ADAMTS20: variants seen among roughly 807,000 people sequenced by gnomAD.
The protein encoded by ADAMTS20 is A disintegrin and metalloproteinase with thrombospondin motifs 20.
In ADAMTS20, 225 loss-of-function variants were observed where a neutral mutation model predicts 260.1. That is an observed-to-expected ratio of 0.87 (90% CI 0.78 to 0.97). The LOEUF is 0.97. Among genes scored for constraint, ADAMTS20 ranks in the 50% least tolerant of loss-of-function variants. The pLI is 0.00. For synonymous variants in ADAMTS20, 802 were observed against 769.5 expected (o/e 1.04, Z -0.70); for missense variants, 2,400 against 2,337.7 (o/e 1.03, Z -0.55).
chr12:43,425,906 A>G lies in ADAMTS20; in HGVS notation c.4108-216T>C, dbSNP rs575578591. On this transcript the variant is annotated intron_variant, in intron 27 of 38. Coordinates refer to ENST00000389420, the MANE Select transcript of ADAMTS20 (RefSeq NM_025003.5). Reference sequence around the variant, plus strand: ...CCCCCTAGACAAAAAAATAAATCAAAGTTTCAATTCCACGACTTTAAAAAT... The same window carrying G: ...CCCCCTAGACAAAAAAATAAATCAAGGTTTCAATTCCACGACTTTAAAAAT... Among the ~76,000 whole-genome samples the G allele has an allele frequency of 6.6e-5, 10 of 152,236 alleles. No individual in the cohort carries two copies. In the East Asian group the frequency reaches 1.7e-3, roughly 26 times the overall value.
At chr12:43,519,749 A>C (rs1418586101) in intron 3 of ADAMTS20, among the ~76,000 whole-genome samples, 2 of 152,190 alleles carry the variant, frequency 1.3e-5, no homozygotes, top group South Asian at 2.1e-4. Flanking sequence ...TGAATGCTAC[A>C]CATTGATTCC....
intron 37 of ADAMTS20, among the ~76,000 whole-genome samples, chr12:43,358,591 C>A (rs1939796091): frequency 6.6e-6 from 1 of 151,858 alleles, no homozygotes; most frequent in Non-Finnish European, 1.5e-5. Flanking sequence ...GTAATCCCAG[C>A]ACTTTGGGAG....
chr12:43,523,203 A>T, intron 3 of ADAMTS20, among the ~76,000 whole-genome samples: 1 of 152,208 alleles, frequency 6.6e-6, no homozygotes, highest in South Asian at 2.1e-4. Flanking sequence ...TCACAGGGCA[A>T]GGCCTTAACC....
chr12:43,471,325 G>C (rs566974970), intron 7 of ADAMTS20, among the ~76,000 whole-genome samples: 1 of 150,626 alleles, frequency 6.6e-6, no homozygotes, highest in Admixed American at 6.6e-5. Flanking sequence ...CACCTGGCTC[G>C]GAGGGTCCTA....
intron 16 of ADAMTS20, among the ~76,000 whole-genome samples, chr12:43,442,279 C>CA (rs1240468705): frequency 7.0e-6 from 1 of 143,850 alleles, no homozygotes; most frequent in Non-Finnish European, 1.5e-5. Flanking sequence ...TTTTTTGAGA[C>CA]AGAGTTTTGC....
intron 29 of ADAMTS20, among the ~76,000 whole-genome samples, chr12:43,390,741 TTC>T (rs1240767011): frequency 1.3e-5 from 2 of 152,222 alleles, no homozygotes; most frequent in African/African-American, 4.8e-5. Flanking sequence ...TCTAAGAACA[TTC>T]TGTTTGCAAC....
chr12:43,549,872 G>A (rs191607377), intron 2 of ADAMTS20, among the ~76,000 whole-genome samples: 33 of 152,288 alleles, frequency 2.2e-4, no homozygotes, highest in African/African-American at 7.2e-4. Flanking sequence ...TTGAACTGCA[G>A]AGAAATGTTA....
chr12:43,395,193 G>A (rs952855693), intron 29 of ADAMTS20, among the ~76,000 whole-genome samples: 1 of 152,086 alleles, frequency 6.6e-6, no homozygotes, highest in Admixed American at 6.6e-5. Context: ...GGAAGCAGGA[G>A]GGCATCCTCC....
chr12:43,521,306 A>G (rs1449507065), intron 3 of ADAMTS20, among the ~76,000 whole-genome samples: 1 of 152,246 alleles, frequency 6.6e-6, no homozygotes, highest in African/African-American at 2.4e-5. Context: ...GACTTCCTCC[A>G]GACCAATGCT....
rs372581152 is a variant in ADAMTS20 at position 43,452,663 on chromosome 12, C to T, written c.1793G>A (p.Arg598His). 21 of 1,610,088 alleles carry T rather than the reference C, an allele frequency of 1.3e-5. No individual in the cohort carries two copies. The highest frequency in any genetic ancestry group is 6.7e-5 in the African/African-American group (5 of 74,884). Residue 598 changes from arginine to histidine, a missense_variant, in exon 13 of 39, where the codon CGC becomes CAC. Arg to His is a conservative substitution (Grantham distance 29, BLOSUM62 0). Transcript: ENST00000389420. The part of the protein sequence containing the change: ...PRNGGNYCVG[R>H]RMKFRSCNTD... The stretch of plus-strand genomic sequence containing the variant: ...ATTACATGATCGAAATTTCATCCTG[C>T]GGCCCACACAGTAATTTCCTCCGTT...
Position 43,552,059 on chromosome 12 carries a change from C to T in ADAMTS20, c.-138G>A, listed in dbSNP as rs1943526403. On this transcript the variant is annotated 5_prime_UTR_variant, in exon 1 of 39. Transcript: ENST00000389420. ...CTCAGCAGCCTAGGGAACAGCAGCGCGGGCCCTGGGCCGGCTGGTCCAGCC... is the reference window on the plus strand; with the variant it reads ...CTCAGCAGCCTAGGGAACAGCAGCGTGGGCCCTGGGCCGGCTGGTCCAGCC... 1.4e-6 allele frequency: 1 copy of T among 704,208 alleles called. No homozygotes were observed. The highest frequency in any genetic ancestry group is 2.4e-6 in the Non-Finnish European group (1 of 414,570). The allele number at this position is 704,208 out of a possible 1,614,324, so 43.6% of individuals were successfully genotyped here. A position where few individuals can be genotyped will look rare whatever the true frequency, so the allele number is the denominator to read the frequency against.
At chr12:43,415,931 G>A (rs114971008) in intron 28 of ADAMTS20, among the ~76,000 whole-genome samples, 2 of 152,130 alleles carry the variant, frequency 1.3e-5, no homozygotes, top group Admixed American at 1.3e-4. Flanking sequence ...TGTAATCCTA[G>A]TGCTCTCAGA....
chr12:43,431,574 T>C, intron 21 of ADAMTS20, 78 bp from the exon 22 acceptor site: 1 of 1,509,646 alleles, frequency 6.6e-7, no homozygotes, highest in Non-Finnish European at 9.2e-7. Context: ...AATGATCAAT[T>C]TGCATATAGA....
intron 29 of ADAMTS20, among the ~76,000 whole-genome samples, chr12:43,397,440 G>C (rs1251255457): frequency 6.6e-6 from 1 of 152,100 alleles, no homozygotes; most frequent in Admixed American, 6.6e-5. Context: ...AATATATGTA[G>C]AGAGGCCATT....
chr12:43,427,245 CT>C (rs1941350179), intron 27 of ADAMTS20, 62 bp downstream of exon 27: 2 of 1,545,590 alleles, frequency 1.3e-6, no homozygotes, highest in African/African-American at 2.7e-5. Context: ...GTATAAGATG[CT>C]TTTTACTTTC....
chr12:43,517,038 G>A (rs1943008458), intron 3 of ADAMTS20, among the ~76,000 whole-genome samples: 1 of 151,932 alleles, frequency 6.6e-6, no homozygotes, highest in African/African-American at 2.4e-5. Flanking sequence ...AAGATTCTTA[G>A]TAAACTAGAA....
intron 3 of ADAMTS20, among the ~76,000 whole-genome samples, chr12:43,513,144 A>G (rs945201780): frequency 1.4e-4 from 22 of 152,214 alleles, no homozygotes; most frequent in African/African-American, 5.1e-4. Context: ...GAAGGAAAAA[A>G]GAAGGCACTA....
intron 16 of ADAMTS20, 131 bp downstream of exon 16, chr12:43,443,660 A>T: frequency 1.5e-6 from 1 of 666,560 alleles, no homozygotes; most frequent in Non-Finnish European, 2.6e-6. Context: ...AGGGAGCGCT[A>T]AGCTCAGTAT....
chr12:43,385,480 T>C (rs1242580807), intron 29 of ADAMTS20, among the ~76,000 whole-genome samples: 1 of 152,228 alleles, frequency 6.6e-6, no homozygotes, highest in Non-Finnish European at 1.5e-5. Context: ...ATTTTGGCTT[T>C]TGTTGCCATT....
Sources: gnomAD v4.1 joint callset for allele counts (sites outside exome capture counted in the v4.1 genomes callset) on GRCh38, gnomAD v4.1.1 for gene constraint, MANE v1.5 for transcripts, NCBI Gene and HGNC (gene_info 2026-07-23, HGNC 2026-07-21) for gene names.